Variants in EIF4G3 observed in about 807,000 individuals in gnomAD.
EIF4G3 encodes eukaryotic translation initiation factor 4 gamma 3.
Under a neutral mutation model 186.4 loss-of-function variants are expected in EIF4G3, and 34 were observed. The ratio of observed to expected loss-of-function variants is 0.18; its 90% CI spans 0.14 to 0.24. The LOEUF (loss-of-function observed/expected upper bound fraction) is 0.24, where lower values mean the gene tolerates loss of function less well. Among genes scored for constraint, EIF4G3 ranks in the 10% least tolerant of loss-of-function variants. EIF4G3 has a pLI of 1.00. For synonymous variants in EIF4G3, 673 were observed against 679.5 expected (o/e 0.99, Z 0.15); for missense variants, 1,536 against 1,948.5 (o/e 0.79, Z 3.99).
chr1:20,867,477 T>C (rs576568495), intron 20 of EIF4G3, among the ~76,000 whole-genome samples: 6 of 152,168 alleles, frequency 3.9e-5, no homozygotes, highest in African/African-American at 1.4e-4. Flanking sequence ...CCATGTGACT[T>C]TGGCCAAGTC....
intron 14 of EIF4G3, among the ~76,000 whole-genome samples, chr1:20,913,672 T>A (rs1420904384): frequency 6.6e-6 from 1 of 152,150 alleles, no homozygotes; most frequent in Non-Finnish European, 1.5e-5. Context: ...TTTTATAAAT[T>A]TTTTCCCTGT....
At chr1:21,052,791 C>G (rs1327023825) in intron 3 of EIF4G3, among the ~76,000 whole-genome samples, 1 of 152,050 alleles carries the variant, frequency 6.6e-6, no homozygotes, top group Non-Finnish European at 1.5e-5. Flanking sequence ...CTGTGTTGGC[C>G]GGGCTGGTCT....
At chr1:21,176,494 C>G (rs1247722314) in intron 1 of EIF4G3, 136 bp from the exon 2 acceptor site, 8 of 111,436 alleles carry the variant, frequency 7.2e-5, no homozygotes, top group African/African-American at 2.3e-4. Context: ...CCCGGGGAGG[C>G]GGCGGGAGCG....
At chr1:21,007,538 C>CAAAAAAAAAAAAAA (rs1471121881) in intron 4 of EIF4G3, among the ~76,000 whole-genome samples, 16 of 58,482 alleles carry the variant, frequency 2.7e-4, no homozygotes, top group East Asian at 6.2e-4. Context: ...AAAAAAAAAA[C>CAAAAAAAAAAAAAA]ACACTCAAAA....
chr1:21,073,051 C>T lies in EIF4G3; in HGVS notation c.-196+16087G>A, dbSNP rs1198210751. Among the ~76,000 whole-genome samples the T allele has an allele frequency of 2.6e-5, 4 of 152,266 alleles. No individual in the cohort carries two copies. The East Asian group carries it at 5.8e-4, about 22-fold the overall frequency. On this transcript the variant is annotated intron_variant, in intron 3 of 36. Coordinates refer to ENST00000602326, the MANE Select transcript of EIF4G3 (RefSeq NM_001391906.1). ...TGACACACACAGCTGCTAGTGGAAG[C>T]GCCAGGATCTGAATTCATTTGGTCA...
intron 15 of EIF4G3, among the ~76,000 whole-genome samples, chr1:20,900,525 AG>A (rs1490769393): frequency 6.9e-6 from 1 of 144,434 alleles, no homozygotes; most frequent in African/African-American, 2.5e-5. Context: ...AAAAAAAAAA[AG>A]AGAGAGAGAG....
At chr1:20,917,039 T>C (rs1222131453) in intron 14 of EIF4G3, among the ~76,000 whole-genome samples, 3 of 152,236 alleles carry the variant, frequency 2.0e-5, no homozygotes, top group African/African-American at 7.2e-5. Flanking sequence ...GACTTGTACA[T>C]AGGTGCTCAC....
At chr1:20,921,886 A>G (rs913014635) in intron 14 of EIF4G3, among the ~76,000 whole-genome samples, 1 of 151,988 alleles carries the variant, frequency 6.6e-6, no homozygotes, top group African/African-American at 2.4e-5. Context: ...CTGTATCTTT[A>G]TTTTCTTGAT....
intron 16 of EIF4G3, among the ~76,000 whole-genome samples, chr1:20,898,799 T>C (rs1024615218): frequency 2.0e-5 from 3 of 152,256 alleles, no homozygotes; most frequent in Non-Finnish European, 2.9e-5. Flanking sequence ...GGTACAATCT[T>C]GGCTCACTGC....
chr1:20,901,695 T>A (rs1201938061), intron 15 of EIF4G3, among the ~76,000 whole-genome samples: 3 of 152,182 alleles, frequency 2.0e-5, no homozygotes, highest in African/African-American at 7.2e-5. Context: ...TGTATTACTA[T>A]GAGGGGTATT....
chr1:21,045,320 T>C (rs1189826192), intron 4 of EIF4G3, among the ~76,000 whole-genome samples: 1 of 152,192 alleles, frequency 6.6e-6, no homozygotes, highest in East Asian at 1.9e-4. Context: ...GGTGTAACAA[T>C]AAGCATCACG....
At chr1:21,003,773 A>G in intron 4 of EIF4G3, 1 of 446,862 alleles carries the variant, frequency 2.2e-6, no homozygotes, top group Non-Finnish European at 4.4e-6. Context: ...CTGCTCTCTG[A>G]TCATCAATGA....
At chr1:21,085,732 C>T (rs1169918173) in intron 3 of EIF4G3, among the ~76,000 whole-genome samples, 1 of 152,046 alleles carries the variant, frequency 6.6e-6, no homozygotes, top group Non-Finnish European at 1.5e-5. Context: ...GACAGTCTCA[C>T]TCTGGCGCCA....
rs375828017 is a variant in EIF4G3, at chr1:20,840,826, C to G, written c.4061+30G>C. ...TAACTGGTACCCAAGAGCCTAGTAA[C>G]TGAATACCACTCTTGAAGAGGATAC... On this transcript the variant is annotated intron_variant, in intron 30 of 36. Transcript: ENST00000602326. 5 of 1,602,814 alleles carry G rather than the reference C, an allele frequency of 3.1e-6. No homozygotes were observed. In the African/African-American group the frequency reaches 6.7e-5, roughly 21 times the overall value.
chr1:20,892,677 G>T, intron 18 of EIF4G3: 2 of 1,536,090 alleles, frequency 1.3e-6, no homozygotes, highest in Non-Finnish European at 1.7e-6. Flanking sequence ...GCAAGTTGGG[G>T]CTTTGCTCTG....
At chr1:20,965,823 A>ATTTTTAAGTAT (rs2074527382) in intron 12 of EIF4G3, among the ~76,000 whole-genome samples, 1 of 152,076 alleles carries the variant, frequency 6.6e-6, no homozygotes, top group African/African-American at 2.4e-5. Flanking sequence ...AACTTAAACA[A>ATTTTTAAGTAT]TTTTTAAGTA....
chr1:21,141,946 A>C (rs1441276213), intron 2 of EIF4G3, among the ~76,000 whole-genome samples: 7 of 152,078 alleles, frequency 4.6e-5, no homozygotes, highest in Non-Finnish European at 2.9e-5. Context: ...AAAAAAAAAA[A>C]CAAAATGCTA....
At chr1:21,075,570 C>CAAAAAAAA (rs55649192) in intron 3 of EIF4G3, among the ~76,000 whole-genome samples, 43 of 51,528 alleles carry the variant, frequency 8.3e-4, no homozygotes, top group Non-Finnish European at 9.7e-4. Context: ...CTCCAACTCA[C>CAAAAAAAA]AAAAAAAAAA....
At chr1:20,949,931 G>A in intron 13 of EIF4G3, 72 bp downstream of exon 13, 1 of 1,271,726 alleles carries the variant, frequency 7.9e-7, no homozygotes, top group Non-Finnish European at 1.1e-6. Context: ...TCTTACTCTT[G>A]AATGCTGACG....
Sources: gnomAD v4.1 joint callset for allele counts (sites outside exome capture counted in the v4.1 genomes callset) on GRCh38, gnomAD v4.1.1 for gene constraint, MANE v1.5 for transcripts, NCBI Gene and HGNC (gene_info 2026-07-23, HGNC 2026-07-21) for gene names.